The following HSPBP1 variants were observed in gnomAD, a reference collection of about 807,000 sequenced individuals.
HSPBP1 encodes the protein HSPA (Hsp70) binding protein 1.
In HSPBP1, 31 loss-of-function variants were observed where a neutral mutation model predicts 41.7. That is an observed-to-expected ratio of 0.74 (90% confidence interval 0.56 to 1.00). The LOEUF is 1.00. HSPBP1 is among the 50% of genes least tolerant of loss of function. The pLI, the probability that HSPBP1 is intolerant of heterozygous loss-of-function variation, is 0.00. For synonymous variants in HSPBP1, 199 were observed against 214.4 expected (o/e 0.93, Z 0.63); for missense variants, 439 against 487.9 (o/e 0.90, Z 0.94).
At chr19:55,278,107 C>A (rs1331100755) in intron 2 of HSPBP1, among the ~76,000 whole-genome samples, 2 of 152,084 alleles carry the variant, frequency 1.3e-5, no homozygotes, top group Non-Finnish European at 2.9e-5. Flanking sequence ...ATTAGCCAGG[C>A]CTGGTGGCGT....
chr19:55,266,490 C>T (rs1283808423), intron 4 of HSPBP1, among the ~76,000 whole-genome samples: 3 of 120,720 alleles, frequency 2.5e-5, no homozygotes, highest in African/African-American at 6.9e-5. Context: ...ACCACCACCA[C>T]CATCACTATC....
In HSPBP1 at chr19:55,277,688, G is replaced by A. The variant is rs1471938417; in HGVS notation, c.369C>T (p.Ala123=). The A allele has an allele frequency of 3.7e-6, 6 of 1,606,050 alleles. No individual in the cohort carries two copies. Among genetic ancestry groups the A allele is most frequent in the Non-Finnish European group, 5.1e-6 (6 of 1,177,338 alleles). Residue 123 remains alanine, a synonymous_variant, in exon 3 of 8, where the codon GCC becomes GCT. Coordinates refer to ENST00000433386, the MANE Select transcript of HSPBP1 (RefSeq NM_012267.5). ...QAADQQEREG[A]LELLADLCEN... ...CACACAGGTCGGCCAGCAGCTCCAG[G>A]GCCCCCTCTCGCTCTTGCTGGTCGG...
Position 55,274,423 on chromosome 19 carries a change from G to A in HSPBP1, c.615C>T (p.Arg205=), listed in dbSNP as rs754216716. Reference sequence around the variant, plus strand: ...AGGAGATGGCGAAGAGGGCCTTGACGCGCACCGTGTCGCAGGCGTCGCGGT... The same window carrying A: ...AGGAGATGGCGAAGAGGGCCTTGACACGCACCGTGTCGCAGGCGTCGCGGT... ...LLDRDACDTV[R]VKALFAISCL... Residue 205 remains arginine, a synonymous_variant, in exon 4 of 8, where the codon CGC becomes CGT. Transcript: ENST00000433386. 2.0e-5 allele frequency: 31 copies of A among 1,541,348 alleles called. No individual in the cohort carries two copies. Among genetic ancestry groups the A allele is most frequent in the East Asian group, 9.5e-5 (4 of 41,908 alleles).
At position 55,277,861 on chromosome 19, in the gene HSPBP1, G is replaced by T; in HGVS notation, c.211-15C>A. 1 of 1,517,054 alleles carries T rather than the reference G, an allele frequency of 6.6e-7. No individual in the cohort carries two copies. The allele number at this position is 1,517,054 out of a possible 1,614,324, so 94.0% of individuals were successfully genotyped here. On this transcript the variant is annotated splice_polypyrimidine_tract_variant and intron_variant, in intron 2 of 7. Coordinates refer to ENST00000433386, the MANE Select transcript of HSPBP1 (RefSeq NM_012267.5). ...CACTGACGCCTCTGGAGACCAAGGCGAGGAGGAAAGAAGGAGATCCATCAG... is the reference window on the plus strand; with the variant it reads ...CACTGACGCCTCTGGAGACCAAGGCTAGGAGGAAAGAAGGAGATCCATCAG...
chr19:55,274,457 C>T lies in HSPBP1; in HGVS notation c.581G>A (p.Arg194Gln), dbSNP rs762143896. 7 of 1,589,208 alleles carry T rather than the reference C, an allele frequency of 4.4e-6. No homozygotes were observed. In the South Asian group the frequency reaches 5.7e-5, roughly 13 times the overall value. The part of the protein sequence containing the change: ...LGLGALRKLL[R>Q]LLDRDACDTV... ...GTCGCAGGCGTCGCGGTCCAGCAGC[C>T]GCAGCAGCTTACGCAGGGCACCCAG... The change falls in exon 4 of 8, where the codon CGG (arginine) becomes CAG (glutamine). Residue 194 changes from arginine to glutamine, a missense_variant. Physicochemically the swap from Arg to Gln is conservative, Grantham distance 43. Transcript: ENST00000433386.
Position 55,270,905 on chromosome 19 carries a change from A to G in HSPBP1, c.640+3493T>C, listed in dbSNP as rs2087907880. 6.7e-6 allele frequency among the ~76,000 whole-genome samples: 1 copy of G among 150,320 alleles called. No individual in the cohort carries two copies. Among genetic ancestry groups the G allele is most frequent in the Non-Finnish European group, 1.5e-5 (1 of 67,538 alleles). The stretch of plus-strand genomic sequence containing the variant: ...ACACACACACCACACACACCTCCAC[A>G]TATATACCACACACCACACAACCCA... On this transcript the variant is annotated intron_variant, in intron 4 of 7. Transcript: ENST00000433386. The surrounding 1 kb of genome is among the most constrained non-coding windows in gnomAD (Gnocchi z 5.4).
rs5828616 is a variant in HSPBP1, at chr19:55,272,838, CAA to C, written c.640+1558_640+1559del. Among the ~76,000 whole-genome samples the C allele has an allele frequency of 0.022, 2,894 of 133,602 alleles. 90 individuals are homozygous for C. The highest frequency in any genetic ancestry group is 0.072 in the African/African-American group (2,642 of 36,846). The allele number at this position is 133,602 out of a possible 152,430, so 87.6% of individuals were successfully genotyped here. A position where few individuals can be genotyped will look rare whatever the true frequency, so the allele number is the denominator to read the frequency against. ...GGGTGACAAGAGCGAGACTCTGTCT[CAA>C]AAAAAAAAAAAAGAAAGAAAAGAAG... On this transcript the variant is annotated intron_variant, in intron 4 of 7. Coordinates refer to ENST00000433386, the MANE Select transcript of HSPBP1 (RefSeq NM_012267.5). The surrounding 1 kb of genome is among the most constrained non-coding windows in gnomAD (Gnocchi z 4.2).
rs1357840044 is a variant in HSPBP1, at chr19:55,268,485, C to G, written c.641-2199G>C. Among the ~76,000 whole-genome samples the G allele has an allele frequency of 1.3e-5, 2 of 152,106 alleles. No homozygotes were observed. The highest frequency in any genetic ancestry group is 6.6e-5 in the Admixed American group (1 of 15,264). On this transcript the variant is annotated intron_variant, in intron 4 of 7. Coordinates refer to ENST00000433386, the MANE Select transcript of HSPBP1 (RefSeq NM_012267.5). This position sits in a 1 kb window ranked among gnomAD's most constrained non-coding sequence, Gnocchi z 4.5. Reference sequence around the variant, plus strand: ...GAAAAACACACACAACGTTGTTGCTCTGGCGCACTCCACACTACCCCTGAA... The same window carrying G: ...GAAAAACACACACAACGTTGTTGCTGTGGCGCACTCCACACTACCCCTGAA...
chr19:55,262,612 C>T lies in HSPBP1; in HGVS notation c.1076G>A (p.Arg359Gln), dbSNP rs376017836. The T allele has an allele frequency of 2.0e-5, 32 of 1,613,568 alleles. No homozygotes were observed. The highest frequency in any genetic ancestry group is 4.0e-5 in the African/African-American group (3 of 74,924). The change falls in exon 8 of 8, where the codon CGG becomes CAG. Residue 359 changes from arginine to glutamine, a missense_variant. Transcript: ENST00000433386. Reference protein sequence around the residue: ...FSSPADDSMDR With the variant: ...FSSPADDSMDQ ...GGGGCAAGAAGCCACCTGGTTTCAC[C>T]GATCCATGCTGTCGTCCGCTGGGCT...
intron 4 of HSPBP1, among the ~76,000 whole-genome samples, chr19:55,273,554 C>T (rs761751833): frequency 6.6e-5 from 10 of 152,096 alleles, no homozygotes; most frequent in African/African-American, 1.9e-4. Flanking sequence ...AAGGATTCAG[C>T]GAGTCAACAC....
Position 55,279,700 on chromosome 19 carries a change from G to A in HSPBP1, c.-92C>T. 1 of 1,538,498 alleles carries A rather than the reference G, an allele frequency of 6.5e-7. No homozygotes were observed. Among genetic ancestry groups the A allele is most frequent in the Non-Finnish European group, 8.7e-7 (1 of 1,146,556 alleles). ...GCGTCCTGATGGGTCGATTCTTGAG[G>A]GTCTGCTGAGAAGGCGGCGTTTCAG... On this transcript the variant is annotated splice_region_variant and 5_prime_UTR_variant, in exon 2 of 8. Coordinates refer to ENST00000433386, the MANE Select transcript of HSPBP1 (RefSeq NM_012267.5).
At chr19:55,266,653 G>A (rs202094708) in intron 4 of HSPBP1, among the ~76,000 whole-genome samples, 4 of 146,190 alleles carry the variant, frequency 2.7e-5, no homozygotes, top group South Asian at 2.2e-4. Context: ...GTCAATCATC[G>A]TCACCATCAT....
chr19:55,264,811 G>A (rs539056511), intron 7 of HSPBP1, among the ~76,000 whole-genome samples: 2 of 152,278 alleles, frequency 1.3e-5, no homozygotes, highest in East Asian at 3.9e-4. Context: ...ATAAACATCT[G>A]CTGAATGGAA....
intron 3 of HSPBP1, 99 bp downstream of exon 3, chr19:55,277,543 G>A: frequency 8.3e-7 from 1 of 1,211,654 alleles, no homozygotes; most frequent in Non-Finnish European, 1.2e-6. Flanking sequence ...AAGGCAGCAG[G>A]GAGGCTGACG....
intron 4 of HSPBP1, among the ~76,000 whole-genome samples, chr19:55,273,066 T>A (rs2087967554): frequency 6.6e-6 from 1 of 152,190 alleles, no homozygotes; most frequent in Admixed American, 6.5e-5. Flanking sequence ...CATGGCTCAC[T>A]GCAGCCTCAA....
intron 3 of HSPBP1, among the ~76,000 whole-genome samples, chr19:55,276,325 T>G (rs1287967044): frequency 6.6e-6 from 1 of 152,046 alleles, no homozygotes; most frequent in East Asian, 1.9e-4. Flanking sequence ...TTGCAGGCAA[T>G]GGAAAAGTTC....
Position 55,273,651 on chromosome 19 carries a change from TG to T in HSPBP1, c.640+746del, listed in dbSNP as rs1408613506. On this transcript the variant is annotated intron_variant, in intron 4 of 7. Coordinates refer to ENST00000433386, the MANE Select transcript of HSPBP1 (RefSeq NM_012267.5). The stretch of plus-strand genomic sequence containing the variant: ...TGCCTGTGTCCCAGGCGGCAGTATT[TG>T]GGGGAGTCCTGGCCAGCTCTGCCCT... Among the ~76,000 whole-genome samples, 5 of 152,250 alleles carry T rather than the reference TG, an allele frequency of 3.3e-5. No individual in the cohort carries two copies. The East Asian group carries it at 5.8e-4, about 18-fold the overall frequency.
rs2087769546 is a variant in HSPBP1, at chr19:55,266,186, C to G, written c.741G>C (p.Lys247Asn). ...TCTGCAGCAGGAATGCTGATTTGAC[C>G]TTGAGCTTCTGCACCTGCTGCTGCA... ...RAMQQQVQKL[K>N]VKSAFLLQNL... The change falls in exon 5 of 8, where the codon AAG becomes AAC. Residue 247 changes from lysine (K) to asparagine (N), a missense_variant. Lys to Asn is a moderately conservative substitution (Grantham distance 94). Transcript: ENST00000433386. The G allele has an allele frequency of 6.3e-7, 1 of 1,589,522 alleles. No homozygotes were observed. Among genetic ancestry groups the G allele is most frequent in the African/African-American group, 1.3e-5 (1 of 74,470 alleles).
intron 4 of HSPBP1, among the ~76,000 whole-genome samples, chr19:55,269,793 C>T (rs1018171975): frequency 1.3e-5 from 2 of 152,164 alleles, no homozygotes; most frequent in Non-Finnish European, 2.9e-5. Context: ...TGTCATGATA[C>T]AGTTGTCCAA....
Sources: gnomAD v4.1 joint callset for allele counts (sites outside exome capture counted in the v4.1 genomes callset) on GRCh38, gnomAD v4.1.1 for gene constraint, Gnocchi (gnomAD v3.1) non-coding constraint, MANE v1.5 for transcripts, NCBI Gene and HGNC (gene_info 2026-07-23, HGNC 2026-07-21) for gene names.